The following SAMD7 variants were observed in gnomAD, a reference collection of about 807,000 sequenced individuals.
SAMD7 encodes sterile alpha motif domain containing 7.
A neutral mutation model predicts 36.7 loss-of-function variants in SAMD7; 34 were observed. The observed-to-expected ratio is 0.93, with a 90% CI of 0.71 to 1.23. The LOEUF (loss-of-function observed/expected upper bound fraction) is 1.23. Ranked by LOEUF, SAMD7 falls within the 50% of genes most tolerant of loss-of-function variation. The probability of loss-of-function intolerance (pLI) is 0.00; values close to 1 mark genes in which losing one functional copy is unlikely to be tolerated. For synonymous variants in SAMD7, 188 were observed against 189.7 expected (o/e 0.99, Z 0.07); for missense variants, 570 against 546.6 (o/e 1.04, Z -0.43).
At chr3:169,927,298 T>C (rs1713314264) in intron 6 of SAMD7, 117 bp downstream of exon 6, 1 of 838,870 alleles carries the variant, frequency 1.2e-6, no homozygotes, top group East Asian at 3.0e-5. Flanking sequence ...TTTTTTTTTT[T>C]TTTTTTTTTT....
intron 5 of SAMD7, 119 bp downstream of exon 5, chr3:169,925,255 C>A: frequency 1.7e-6 from 1 of 590,092 alleles, no homozygotes; most frequent in Non-Finnish European, 2.9e-6. Flanking sequence ...TACACACACA[C>A]AAATTACTTA....
rs79791353 is a variant in SAMD7, at chr3:169,920,429, G to A, written c.87-785G>A. Among the ~76,000 whole-genome samples, 1,039 of 152,170 alleles carry A rather than the reference G, an allele frequency of 6.8e-3. 11 individuals are homozygous for A. The highest frequency in any genetic ancestry group is 0.024 in the African/African-American group (989 of 41,490). ...TTCTTAAAAGGACACTAGTACTATC[G>A]GATTAGGGCCCCACCTTTATAATAT... On this transcript the variant is annotated intron_variant, in intron 3 of 8. Coordinates refer to ENST00000335556, the MANE Select transcript of SAMD7 (RefSeq NM_001304366.2).
In SAMD7 at chr3:169,938,805, G is replaced by A. The variant is rs1713818431; in HGVS notation, c.*299G>A. Reference sequence around the variant, plus strand: ...AGAAATCTCTGAAGAAACCAAAAGAGCTGAAACTGAAAAAAGAGCTCCCTC... The same window carrying A: ...AGAAATCTCTGAAGAAACCAAAAGAACTGAAACTGAAAAAAGAGCTCCCTC... On this transcript the variant is annotated 3_prime_UTR_variant, in exon 9 of 9. Coordinates refer to ENST00000335556, the MANE Select transcript of SAMD7 (RefSeq NM_001304366.2). 1 of 249,702 alleles carries A rather than the reference G, an allele frequency of 4.0e-6. No homozygotes were observed. Among genetic ancestry groups the A allele is most frequent in the African/African-American group, 2.2e-5 (1 of 45,094 alleles). The allele number at this position is 249,702 out of a possible 1,614,324, so 15.5% of individuals were successfully genotyped here.
rs556331892 is a variant in SAMD7 at position 169,917,728 on chromosome 3, G to A, written c.-41-1730G>A. On this transcript the variant is annotated intron_variant, in intron 2 of 8. Transcript: ENST00000335556. ...ACAATCTCGGCTCACTGCAAGCTCC[G>A]CCTCCCAGGTTCACACCATTCTCCT... 1.3e-4 allele frequency among the ~76,000 whole-genome samples: 19 copies of A among 151,078 alleles called. No homozygotes were observed. In the East Asian group the frequency reaches 2.7e-3, roughly 22 times the overall value.
chr3:169,936,539 A>T, intron 8 of SAMD7, 90 bp downstream of exon 8: 2 of 726,506 alleles, frequency 2.8e-6, no homozygotes, highest in Non-Finnish European at 4.7e-6. Flanking sequence ...TATAAATAAT[A>T]CTTATTTAAC....
chr3:169,938,353 A>C lies in SAMD7; in HGVS notation c.1188A>C (p.Lys396Asn). 1 of 1,611,470 alleles carries C rather than the reference A, an allele frequency of 6.2e-7. No individual in the cohort carries two copies. Among genetic ancestry groups the C allele is most frequent in the South Asian group, 1.1e-5 (1 of 90,728 alleles). The part of the protein sequence containing the change: ...SQHVGSMFYK[K>N]TLSFPIRQAF... ...ATGTGGGAAGTATGTTCTACAAGAA[A>C]ACTCTTTCATTTCCTATAAGACAAG... The change falls in exon 9 of 9, where the codon AAA (lysine) becomes AAC (asparagine). Residue 396 changes from lysine to asparagine, a missense_variant. Transcript: ENST00000335556.
intron 3 of SAMD7, 26 bp from the exon 4 acceptor site, chr3:169,921,188 T>G: frequency 6.2e-7 from 1 of 1,610,096 alleles, no homozygotes; most frequent in Non-Finnish European, 8.5e-7. Context: ...TTTTACCTAT[T>G]TTATTTTATA....
At chr3:169,932,891 T>G in intron 7 of SAMD7, 1 of 632,474 alleles carries the variant, frequency 1.6e-6, no homozygotes, top group Non-Finnish European at 3.0e-6. Context: ...CTATAAGAAC[T>G]TTCAAGATAA....
At chr3:169,915,847 G>A (rs1336762836) in intron 2 of SAMD7, among the ~76,000 whole-genome samples, 1 of 151,782 alleles carries the variant, frequency 6.6e-6, no homozygotes, top group African/African-American at 2.4e-5. Context: ...CAAAATGCTG[G>A]GATTACAGGC....
chr3:169,934,320 G>T (rs1056044210), intron 7 of SAMD7, among the ~76,000 whole-genome samples: 4 of 152,088 alleles, frequency 2.6e-5, no homozygotes, highest in African/African-American at 9.7e-5. Flanking sequence ...AGCAGTGGGG[G>T]CAGGAGGATA....
intron 5 of SAMD7, chr3:169,926,092 A>C (rs1713245428): frequency 2.5e-6 from 1 of 395,218 alleles, no homozygotes; most frequent in Admixed American, 3.5e-5. Context: ...AGCAAAGTGA[A>C]GTAAGCAAAA....
Position 169,938,562 on chromosome 3 carries a change from T to C in SAMD7, c.*56T>C. 1 of 1,113,426 alleles carries C rather than the reference T, an allele frequency of 9.0e-7. No individual in the cohort carries two copies. The highest frequency in any genetic ancestry group is 1.3e-6 in the Non-Finnish European group (1 of 764,950). 69.0% of individuals were successfully genotyped at this position (1,113,426 alleles called of 1,614,324 possible). On this transcript the variant is annotated 3_prime_UTR_variant, in exon 9 of 9. Transcript: ENST00000335556. ...CAGTTTTCCAAAGAGCCTAGGATAT[T>C]ACAAAGGATGTGTGAGGATTTCCCA...
intron 2 of SAMD7, 99 bp from the exon 3 acceptor site, chr3:169,919,356 GTGT>G (rs2108256963): frequency 1.5e-6 from 1 of 659,242 alleles, no homozygotes; most frequent in African/African-American, 1.8e-5. Context: ...GTCTTCCCAA[GTGT>G]TGTGAAAATA....
chr3:169,931,336 G>T (rs903407806), intron 7 of SAMD7, among the ~76,000 whole-genome samples: 1 of 152,140 alleles, frequency 6.6e-6, no homozygotes, highest in Non-Finnish European at 1.5e-5. Context: ...ATGTGTCCTC[G>T]CCCCAGGCCC....
chr3:169,913,898 G>A (rs1712698483), intron 1 of SAMD7, among the ~76,000 whole-genome samples: 1 of 152,152 alleles, frequency 6.6e-6, no homozygotes, highest in Non-Finnish European at 1.5e-5. Flanking sequence ...TATCTACCTG[G>A]CTGATGAAGG....
In SAMD7 at chr3:169,928,507, A is replaced by C. The variant is rs748246951; in HGVS notation, c.970A>C (p.Ile324Leu). The C allele has an allele frequency of 1.2e-6, 2 of 1,613,742 alleles. No homozygotes were observed. The highest frequency in any genetic ancestry group is 1.6e-4 in the Middle Eastern group (1 of 6,062). ...IGGNLSLDEDIQKWTVDDVHS... is the reference protein window; with the variant it reads ...IGGNLSLDEDLQKWTVDDVHS... Reference sequence around the variant, plus strand: ...GGGGAATCTTTCTTTGGATGAAGATATTCAGAAGTGGACCGTGGATGATGT... The same window carrying C: ...GGGGAATCTTTCTTTGGATGAAGATCTTCAGAAGTGGACCGTGGATGATGT... The change falls in exon 7 of 9, where the codon ATT (isoleucine) becomes CTT (leucine). Residue 324 changes from isoleucine (I) to leucine (L), a missense_variant. Ile to Leu is a conservative substitution (Grantham distance 5). Coordinates refer to ENST00000335556, the MANE Select transcript of SAMD7 (RefSeq NM_001304366.2).
Position 169,921,201 on chromosome 3 carries a change from T to C in SAMD7, c.87-13T>C, listed in dbSNP as rs777487541. The C allele has an allele frequency of 6.8e-6, 11 of 1,612,834 alleles. No individual in the cohort carries two copies. The South Asian group carries it at 1.1e-4, about 16-fold the overall frequency. On this transcript the variant is annotated splice_polypyrimidine_tract_variant and intron_variant, in intron 3 of 8. Coordinates refer to ENST00000335556, the MANE Select transcript of SAMD7 (RefSeq NM_001304366.2). ...CATTTTACCTATTTTATTTTATATC[T>C]TTTTGTTCTCAGAGATGTATTGCCT...
At chr3:169,918,744 G>C (rs1712919508) in intron 2 of SAMD7, among the ~76,000 whole-genome samples, 1 of 152,066 alleles carries the variant, frequency 6.6e-6, no homozygotes, top group Non-Finnish European at 1.5e-5. Context: ...CTCATTTTCT[G>C]GTGTTAAATC....
In SAMD7 at chr3:169,927,184, G is replaced by A. The variant is rs767205249; in HGVS notation, c.919+3G>A. 6.6e-7 allele frequency: 1 copy of A among 1,520,336 alleles called. No individual in the cohort carries two copies. Among genetic ancestry groups the A allele is most frequent in the African/African-American group, 1.4e-5 (1 of 71,758 alleles). The allele number at this position is 1,520,336 out of a possible 1,614,324, so 94.2% of individuals were successfully genotyped here. A position where few individuals can be genotyped will look rare whatever the true frequency, so the allele number is the denominator to read the frequency against. On this transcript the variant is annotated splice_donor_region_variant and intron_variant, in intron 6 of 8. Coordinates refer to ENST00000335556, the MANE Select transcript of SAMD7 (RefSeq NM_001304366.2). ...AGTTCCTCGACCATCTCTGCCAGGT[G>A]GGTGTCCAGGGGCCAATGGCAGATC...
Sources: gnomAD v4.1 joint callset for allele counts (sites outside exome capture counted in the v4.1 genomes callset) on GRCh38, gnomAD v4.1.1 for gene constraint, MANE v1.5 for transcripts, NCBI Gene and HGNC (gene_info 2026-07-23, HGNC 2026-07-21) for gene names.